CD200R1: variants seen among roughly 807,000 people sequenced by gnomAD.
CD200R1 encodes the protein cell surface glycoprotein CD200 receptor 1.
In CD200R1, 30 loss-of-function variants were observed where a neutral mutation model predicts 38.1. That is an observed-to-expected ratio of 0.79 (90% CI 0.59 to 1.07). CD200R1 has a LOEUF of 1.07. Among genes scored for constraint, CD200R1 ranks in the 50% least tolerant of loss-of-function variants. The pLI is 0.00. For synonymous variants in CD200R1, 128 were observed against 152.1 expected (o/e 0.84, Z 1.16); for missense variants, 372 against 415.4 (o/e 0.90, Z 0.91).
At chr3:112,931,043 T>TC (rs1042094246) in intron 3 of CD200R1, 63 bp downstream of exon 3, 2 of 1,184,150 alleles carry the variant, frequency 1.7e-6, no homozygotes, top group Non-Finnish European at 2.5e-6. Context: ...CATTAGCTAA[T>TC]ATTTCTAAGG....
Position 112,966,801 on chromosome 3 carries a change from G to T in CD200R1, c.67+7990C>A, listed in dbSNP as rs370528466. Among the ~76,000 whole-genome samples, 173 of 151,636 alleles carry T rather than the reference G, an allele frequency of 1.1e-3. 4 individuals are homozygous for T. In the South Asian group the frequency reaches 0.033, roughly 29 times the overall value. The stretch of plus-strand genomic sequence containing the variant: ...GATGCTTACTTCCCCTTCTAGCTAG[G>T]ATCCCTTCTCCTTTCTTTGCTGCCT... On this transcript the variant is annotated intron_variant, in intron 1 of 7. Transcript: ENST00000308611.
At position 112,923,812 on chromosome 3, in the gene CD200R1, T is replaced by C; in HGVS notation, c.925-13A>G. ...GCTGCATTTCATCCTAAGAAAGAAC[T>C]CAAAGTTAAAATCAATTCAAAAAAT... On this transcript the variant is annotated splice_polypyrimidine_tract_variant and intron_variant, in intron 7 of 7. Coordinates refer to ENST00000308611, the MANE Select transcript of CD200R1 (RefSeq NM_138806.4). 1 of 1,513,838 alleles carries C rather than the reference T, an allele frequency of 6.6e-7. No individual in the cohort carries two copies. Among genetic ancestry groups the C allele is most frequent in the African/African-American group, 1.4e-5 (1 of 71,090 alleles). The allele number at this position is 1,513,838 out of a possible 1,614,324, so 93.8% of individuals were successfully genotyped here.
chr3:112,931,110 T>G lies in CD200R1; in HGVS notation c.198A>C (p.Ala66=), dbSNP rs1440468584. ...QITQNYSKVL[A]EVNTSWPVKM... ...ACTAGTAAGGAAGCATATTACCTTC[T>G]GCGAGTACTTTCGAGTAGTTCTGTG... Residue 66 remains alanine (A), a synonymous_variant, in exon 3 of 8, where the codon GCA becomes GCC. Transcript: ENST00000308611. 1 of 1,608,224 alleles carries G rather than the reference T, an allele frequency of 6.2e-7. No individual in the cohort carries two copies.
intron 1 of CD200R1, among the ~76,000 whole-genome samples, chr3:112,956,736 T>C (rs1359688100): frequency 9.2e-5 from 14 of 152,142 alleles, no homozygotes; most frequent in Admixed American, 8.5e-4. Context: ...ACTGTGGCCA[T>C]TGGAGCACTA....
chr3:112,945,169 C>T (rs1940818842), intron 2 of CD200R1, among the ~76,000 whole-genome samples: 3 of 152,122 alleles, frequency 2.0e-5, no homozygotes, highest in Admixed American at 2.0e-4. Context: ...ATGTATTCAA[C>T]ACAATCCCAA....
rs371008498 is a variant in CD200R1 at position 112,973,664 on chromosome 3, T to C, written c.67+1127A>G. 2.0e-5 allele frequency among the ~76,000 whole-genome samples: 3 copies of C among 152,316 alleles called. No homozygotes were observed. The East Asian group carries it at 5.8e-4, about 29-fold the overall frequency. ...CATGTGTTCACTAGTAAGATTAACATGTGGAAAGAAGATTTTTTGTGGAAG... is the reference window on the plus strand; with the variant it reads ...CATGTGTTCACTAGTAAGATTAACACGTGGAAAGAAGATTTTTTGTGGAAG... On this transcript the variant is annotated intron_variant, in intron 1 of 7. Coordinates refer to ENST00000308611, the MANE Select transcript of CD200R1 (RefSeq NM_138806.4).
chr3:112,948,352 C>A (rs1275422022), intron 1 of CD200R1, among the ~76,000 whole-genome samples: 1 of 152,152 alleles, frequency 6.6e-6, no homozygotes, highest in East Asian at 1.9e-4. Flanking sequence ...ATCATAGAAT[C>A]TATGATGGGA....
At chr3:112,960,622 G>A (rs1318542652) in intron 1 of CD200R1, among the ~76,000 whole-genome samples, 1 of 151,938 alleles carries the variant, frequency 6.6e-6, no homozygotes, top group African/African-American at 2.4e-5. Flanking sequence ...CAATATAAAT[G>A]TTATTGTTTG....
intron 5 of CD200R1, among the ~76,000 whole-genome samples, chr3:112,926,576 A>G (rs1940285275): frequency 6.6e-6 from 1 of 152,142 alleles, no homozygotes; most frequent in African/African-American, 2.4e-5. Context: ...GACACTATAA[A>G]TCTGACATCA....
intron 2 of CD200R1, among the ~76,000 whole-genome samples, chr3:112,945,026 A>G (rs1318869465): frequency 6.6e-6 from 1 of 152,212 alleles, no homozygotes; most frequent in Non-Finnish European, 1.5e-5. Context: ...TATGTGCAAC[A>G]TCTATATGAG....
At chr3:112,949,880 G>A (rs191535375) in intron 1 of CD200R1, among the ~76,000 whole-genome samples, 9 of 152,316 alleles carry the variant, frequency 5.9e-5, no homozygotes, top group African/African-American at 2.2e-4. Context: ...CAGAATTCAT[G>A]GGCTTAGAAC....
chr3:112,927,648 G>C lies in CD200R1; in HGVS notation c.769+1168C>G, dbSNP rs79681059. ...TAAGTAGAGGACTGAGGCAATGAGAGTGTCCAGGACAATAGCTGTACAGCA... is the reference window on the plus strand; with the variant it reads ...TAAGTAGAGGACTGAGGCAATGAGACTGTCCAGGACAATAGCTGTACAGCA... On this transcript the variant is annotated intron_variant, in intron 5 of 7. Coordinates refer to ENST00000308611, the MANE Select transcript of CD200R1 (RefSeq NM_138806.4). 1.8e-3 allele frequency among the ~76,000 whole-genome samples: 279 copies of C among 152,298 alleles called. 1 individual carries two copies. The East Asian group carries it at 0.027, about 15-fold the overall frequency.
At chr3:112,962,477 T>C (rs552957365) in intron 1 of CD200R1, among the ~76,000 whole-genome samples, 3 of 152,310 alleles carry the variant, frequency 2.0e-5, no homozygotes, top group East Asian at 3.9e-4. Context: ...AGGGGGCTAA[T>C]TAAATGTTAT....
At chr3:112,952,638 G>C (rs1940992142) in intron 1 of CD200R1, among the ~76,000 whole-genome samples, 1 of 152,064 alleles carries the variant, frequency 6.6e-6, no homozygotes, top group Non-Finnish European at 1.5e-5. Flanking sequence ...GCCTGTTGTG[G>C]GGTGGGAGGA....
At chr3:112,932,859 G>A (rs184079851) in intron 2 of CD200R1, among the ~76,000 whole-genome samples, 1 of 152,008 alleles carries the variant, frequency 6.6e-6, no homozygotes, top group East Asian at 1.9e-4. Context: ...ATAACCCCAG[G>A]CCTACCAAGT....
In CD200R1 at chr3:112,925,185, C is replaced by G. The variant is rs1940254951; in HGVS notation, c.778G>C (p.Ala260Pro). 1 of 1,523,528 alleles carries G rather than the reference C, an allele frequency of 6.6e-7. No homozygotes were observed. The highest frequency in any genetic ancestry group is 1.4e-5 in the African/African-American group (1 of 72,656). The allele number at this position is 1,523,528 out of a possible 1,614,324, so 94.4% of individuals were successfully genotyped here. A position where few individuals can be genotyped will look rare whatever the true frequency, so the allele number is the denominator to read the frequency against. ...ATATATAATTTTGCTGATTTTTTGG[C>G]ACCTGGAACTATAGACACAAAAATA... ...LYIELLPVPG[A>P]KKSAKLYIPY... is the part of the protein sequence containing the mutation. The change falls in exon 6 of 8, where the codon GCC (alanine) becomes CCC (proline). Residue 260 changes from alanine to proline, a missense_variant. Physicochemically the swap from Ala to Pro is conservative, Grantham distance 27. Coordinates refer to ENST00000308611, the MANE Select transcript of CD200R1 (RefSeq NM_138806.4).
At chr3:112,946,196 C>G (rs1289609437) in intron 2 of CD200R1, among the ~76,000 whole-genome samples, 5 of 152,076 alleles carry the variant, frequency 3.3e-5, no homozygotes, top group Non-Finnish European at 7.4e-5. Flanking sequence ...TGCATATAAC[C>G]ACCTGTATTT....
chr3:112,922,448 T>A lies in CD200R1; in HGVS notation c.*1229A>T, dbSNP rs1940193042. The stretch of plus-strand genomic sequence containing the variant: ...CTTGCTTATTATGTAGCTCATAGTT[T>A]GTAAATAAATACCCCATGTCCTCTA... On this transcript the variant is annotated 3_prime_UTR_variant, in exon 8 of 8. Transcript: ENST00000308611. The A allele has an allele frequency of 6.6e-6, 1 of 152,022 alleles. No individual in the cohort carries two copies. Among genetic ancestry groups the A allele is most frequent in the Admixed American group, 6.6e-5 (1 of 15,224 alleles). 9.4% of individuals were successfully genotyped at this position (152,022 alleles called of 1,614,324 possible).
chr3:112,965,005 T>C (rs1933120687), intron 1 of CD200R1, among the ~76,000 whole-genome samples: 1 of 152,184 alleles, frequency 6.6e-6, no homozygotes, highest in South Asian at 2.1e-4. Context: ...GAGATGTGCC[T>C]TTCACCTTCT....
Sources: gnomAD v4.1 joint callset for allele counts (sites outside exome capture counted in the v4.1 genomes callset) on GRCh38, gnomAD v4.1.1 for gene constraint, MANE v1.5 for transcripts, NCBI Gene and HGNC (gene_info 2026-07-23, HGNC 2026-07-21) for gene names.